The following API5 variants were observed in gnomAD, a reference collection of about 807,000 sequenced individuals.
API5 encodes FIF.
A neutral mutation model predicts 71.9 loss-of-function variants in API5; 6 were observed. The ratio of observed to expected loss-of-function variants is 0.08; its 90% CI spans 0.05 to 0.16. The LOEUF (loss-of-function observed/expected upper bound fraction) is 0.16, where lower values mean the gene tolerates loss of function less well. Among genes scored for constraint, API5 ranks in the 10% least tolerant of loss-of-function variants. The pLI is 1.00. For synonymous variants in API5, 189 were observed against 221.3 expected, an observed-to-expected ratio of 0.85 and a Z score of 1.30; for missense variants, 332 against 612.8, an observed-to-expected ratio of 0.54 and a Z score of 4.84.
At chr11:43,319,605 G>T (rs375617793) in intron 2 of API5, among the ~76,000 whole-genome samples, 61 of 152,134 alleles carry the variant, frequency 4.0e-4, no homozygotes, top group African/African-American at 1.3e-3. Context: ...TTTTTGTAGG[G>T]TCTTGCCATG....
At position 43,312,095 on chromosome 11, in the gene API5, T is replaced by C. The variant is rs1364732563; in HGVS notation, c.-33T>C. The C allele has an allele frequency of 1.9e-6, 3 of 1,612,188 alleles. No individual in the cohort carries two copies. In the East Asian group the frequency reaches 6.7e-5, roughly 36 times the overall value. Reference sequence around the variant, plus strand: ...GCGGTGGCGCCGGTCAGGACAAGGATAGCGGAACCGGGCCCTGGGCTTGTC... The same window carrying C: ...GCGGTGGCGCCGGTCAGGACAAGGACAGCGGAACCGGGCCCTGGGCTTGTC... On this transcript the variant is annotated 5_prime_UTR_variant, in exon 1 of 14. Transcript: ENST00000531273.
At chr11:43,321,851 T>G in intron 4 of API5, 134 bp from the exon 5 acceptor site, 1 of 871,432 alleles carries the variant, frequency 1.1e-6, no homozygotes, top group South Asian at 2.2e-5. Context: ...CAGACTACTT[T>G]TAACTAGTAA....
At chr11:43,332,617 G>A (rs955581728) in intron 11 of API5, among the ~76,000 whole-genome samples, 2 of 152,086 alleles carry the variant, frequency 1.3e-5, no homozygotes, top group Non-Finnish European at 2.9e-5. Flanking sequence ...GAGTTGGGGT[G>A]TACTACTCTC....
intron 9 of API5, 60 bp downstream of exon 9, chr11:43,328,953 T>C (rs1855161482): frequency 6.3e-7 from 1 of 1,575,558 alleles, no homozygotes; most frequent in South Asian, 1.1e-5. Flanking sequence ...CTGAAGTTCC[T>C]TGGGTTTTGC....
In API5 at chr11:43,343,533, A is replaced by G. The variant is rs1353010117; in HGVS notation, c.*1023A>G. On this transcript the variant is annotated 3_prime_UTR_variant, in exon 14 of 14. Transcript: ENST00000531273. ...AGATGGTATAATTTACAATTTGGAG[A>G]TTTAATAACCAGGGCTACCCAGAAA... is the stretch of plus-strand genomic sequence containing the variant. 1 of 152,624 alleles carries G rather than the reference A, an allele frequency of 6.6e-6. No individual in the cohort carries two copies. Among genetic ancestry groups the G allele is most frequent in the African/African-American group, 2.4e-5 (1 of 41,454 alleles). The allele number at this position is 152,624 out of a possible 1,614,324, so 9.5% of individuals were successfully genotyped here.
intron 13 of API5, among the ~76,000 whole-genome samples, chr11:43,337,813 A>T (rs1340383685): frequency 6.6e-6 from 1 of 152,206 alleles, no homozygotes; most frequent in Non-Finnish European, 1.5e-5. Flanking sequence ...CAAGAATTGT[A>T]CTCCTTTTTA....
At chr11:43,323,700 T>G in intron 6 of API5, 64 bp downstream of exon 6, 1 of 1,482,638 alleles carries the variant, frequency 6.7e-7, no homozygotes, top group South Asian at 1.2e-5. Flanking sequence ...ATACTCACTT[T>G]AACATTCCCC....
At chr11:43,335,836 G>T in intron 12 of API5, 22 bp from the exon 13 acceptor site, 1 of 1,582,120 alleles carries the variant, frequency 6.3e-7, no homozygotes, top group Non-Finnish European at 8.5e-7. Context: ...TTTTTGAATT[G>T]CTCTTCTTCC....
At chr11:43,316,705 A>G (rs373816923) in intron 1 of API5, among the ~76,000 whole-genome samples, 2 of 152,054 alleles carry the variant, frequency 1.3e-5, no homozygotes, top group East Asian at 3.9e-4. Flanking sequence ...CACAGCCTCT[A>G]ACTCCTGGGC....
In API5 at chr11:43,312,113, G is replaced by A. The variant is rs1248318681; in HGVS notation, c.-15G>A. 1.2e-6 allele frequency: 2 copies of A among 1,613,428 alleles called. No homozygotes were observed. The highest frequency in any genetic ancestry group is 1.1e-5 in the South Asian group (1 of 91,054). On this transcript the variant is annotated 5_prime_UTR_variant, in exon 1 of 14. Transcript: ENST00000531273. ...ACAAGGATAGCGGAACCGGGCCCTG[G>A]GCTTGTCGCTCACCATGCCGACAGT...
intron 13 of API5, among the ~76,000 whole-genome samples, chr11:43,342,099 C>T (rs978927101): frequency 1.3e-5 from 2 of 152,048 alleles, no homozygotes; most frequent in Non-Finnish European, 1.5e-5. Context: ...GAACTGTGAA[C>T]GCACCACTGC....
chr11:43,335,774 A>C, intron 12 of API5, 84 bp from the exon 13 acceptor site: 2 of 1,416,434 alleles, frequency 1.4e-6, no homozygotes, highest in South Asian at 1.4e-5. Flanking sequence ...TGTCTTTCCT[A>C]ACTGATATGC....
chr11:43,341,577 G>A (rs1449335612), intron 13 of API5, among the ~76,000 whole-genome samples: 3 of 152,122 alleles, frequency 2.0e-5, no homozygotes, highest in African/African-American at 7.2e-5. Flanking sequence ...GCATACTAGA[G>A]GCTGAGAAGA....
At chr11:43,329,846 T>G (rs1855195592) in intron 9 of API5, 119 bp from the exon 10 acceptor site, 1 of 753,772 alleles carries the variant, frequency 1.3e-6, no homozygotes, top group South Asian at 1.8e-5. Context: ...TTCTCTTCTT[T>G]AATTTACTGG....
chr11:43,334,555 A>G lies in API5; in HGVS notation c.1279-723A>G, dbSNP rs115064887. ...TTTACTTTTATTGAATTTTACCTAT[A>G]TACAAAAAATCAAGGTAAAGCTGGT... On this transcript the variant is annotated intron_variant, in intron 11 of 13. Transcript: ENST00000531273. Among the ~76,000 whole-genome samples, 929 of 152,226 alleles carry G rather than the reference A, an allele frequency of 6.1e-3. 10 individuals carry two copies. The highest frequency in any genetic ancestry group is 0.021 in the African/African-American group (886 of 41,554).
chr11:43,329,320 G>C (rs1855174695), intron 9 of API5: 2 of 159,442 alleles, frequency 1.3e-5, no homozygotes, highest in African/African-American at 4.8e-5. Flanking sequence ...ACTCCTGTCT[G>C]GGCGATGAGA....
In API5 at chr11:43,327,451, A is replaced by G. The variant is rs531950169; in HGVS notation, c.856-338A>G. On this transcript the variant is annotated intron_variant, in intron 7 of 13. Coordinates refer to ENST00000531273, the MANE Select transcript of API5 (RefSeq NM_001142930.2). ...AATATATTTATCATTTTTGCCTTGC[A>G]ATTAGCACAATCATTAACCTGTAGC... Among the ~76,000 whole-genome samples, 3 of 152,370 alleles carry G rather than the reference A, an allele frequency of 2.0e-5. No homozygotes were observed. In the South Asian group the frequency reaches 6.2e-4, roughly 32 times the overall value.
At chr11:43,338,056 A>G (rs1439848944) in intron 13 of API5, among the ~76,000 whole-genome samples, 1 of 152,232 alleles carries the variant, frequency 6.6e-6, no homozygotes, top group Non-Finnish European at 1.5e-5. Flanking sequence ...AGTTATTCCC[A>G]GTCTTCAAAA....
At chr11:43,335,395 C>G in intron 12 of API5, 41 bp downstream of exon 12, 1 of 1,286,522 alleles carries the variant, frequency 7.8e-7, no homozygotes, top group Non-Finnish European at 1.1e-6. Context: ...GTTATCAAAA[C>G]TTAATACGAG....
Sources: allele counts gnomAD v4.1 joint callset (sites outside exome capture counted in the v4.1 genomes callset), GRCh38; gene constraint gnomAD v4.1.1; transcripts MANE v1.5; gene names NCBI Gene and HGNC (gene_info 2026-07-23, HGNC 2026-07-21).